The following CLMN variants were observed in gnomAD, a reference collection of about 807,000 sequenced individuals.
CLMN encodes calmin (calponin-like, transmembrane).
A neutral mutation model predicts 92.7 loss-of-function variants in CLMN; 57 were observed. That is an observed-to-expected ratio of 0.61 (90% confidence interval 0.50 to 0.77). CLMN has a LOEUF of 0.77. Among genes scored for constraint, CLMN ranks in the 30% least tolerant of loss-of-function variants. CLMN has a pLI of 0.00. For missense variants in CLMN, 1,158 were observed against 1,237.5 expected (o/e 0.94, Z 0.96); for synonymous variants, 466 against 470.6 (o/e 0.99, Z 0.13).
chr14:95,204,466 G>C lies in CLMN; in HGVS notation c.886-3C>G. Reference sequence around the variant, plus strand: ...TTATCTGAATCGAAAATATCTTCCTGCAAAAAAAAACAAAAACAAACAAAC... The same window carrying C: ...TTATCTGAATCGAAAATATCTTCCTCCAAAAAAAAACAAAAACAAACAAAC... On this transcript the variant is annotated splice_region_variant and splice_polypyrimidine_tract_variant and intron_variant, in intron 8 of 12. Transcript: ENST00000298912. 1.4e-6 allele frequency: 2 copies of C among 1,444,216 alleles called. No homozygotes were observed. Among genetic ancestry groups the C allele is most frequent in the Non-Finnish European group, 1.8e-6 (2 of 1,100,936 alleles). 89.5% of individuals were successfully genotyped at this position (1,444,216 alleles called of 1,614,324 possible).
intron 1 of CLMN, among the ~76,000 whole-genome samples, chr14:95,288,713 T>C (rs1900439488): frequency 1.3e-5 from 2 of 152,184 alleles, no homozygotes; most frequent in Non-Finnish European, 2.9e-5. Context: ...CCCCTGTGTA[T>C]AAGCCAGAAG....
intron 1 of CLMN, among the ~76,000 whole-genome samples, chr14:95,258,257 T>C (rs1225736024): frequency 2.0e-5 from 3 of 150,750 alleles, no homozygotes; most frequent in African/African-American, 4.9e-5. Context: ...TGTATATGTA[T>C]GTATCTGTGA....
At chr14:95,299,703 C>A (rs775411943) in intron 1 of CLMN, among the ~76,000 whole-genome samples, 31 of 152,166 alleles carry the variant, frequency 2.0e-4, no homozygotes, top group Non-Finnish European at 3.7e-4. Flanking sequence ...GTGATCATCA[C>A]CCTATGCCAC....
At chr14:95,268,993 A>G (rs968330085) in intron 1 of CLMN, among the ~76,000 whole-genome samples, 1 of 151,490 alleles carries the variant, frequency 6.6e-6, no homozygotes, top group Non-Finnish European at 1.5e-5. Context: ...TAGCAGAGAC[A>G]GGGTTTCACC....
At chr14:95,231,193 CTTT>C (rs59211402) in intron 1 of CLMN, among the ~76,000 whole-genome samples, 5 of 137,334 alleles carry the variant, frequency 3.6e-5, no homozygotes, top group Admixed American at 7.4e-5. Flanking sequence ...AATCCTCTAA[CTTT>C]TTTTTTTTTT....
intron 1 of CLMN, among the ~76,000 whole-genome samples, chr14:95,242,169 G>A (rs1898267821): frequency 6.6e-6 from 1 of 151,726 alleles, no homozygotes; most frequent in African/African-American, 2.4e-5. Flanking sequence ...AAAAAATTGA[G>A]GTGCCTGGGT....
At chr14:95,245,239 T>C (rs866123959) in intron 1 of CLMN, among the ~76,000 whole-genome samples, 7 of 21,564 alleles carry the variant, frequency 3.2e-4, no homozygotes, top group African/African-American at 1.9e-3. Flanking sequence ...ATATATATAT[T>C]ATATATATAT....
At chr14:95,295,797 G>C in intron 1 of CLMN, among the ~76,000 whole-genome samples, 1 of 152,208 alleles carries the variant, frequency 6.6e-6, no homozygotes, top group East Asian at 1.9e-4. Context: ...CTTTGCACTT[G>C]CTGTTTTCTC....
chr14:95,222,308 A>G (rs1897569779), intron 3 of CLMN: 1 of 239,476 alleles, frequency 4.2e-6, no homozygotes, highest in Non-Finnish European at 8.5e-6. Flanking sequence ...GAAAGAGAGA[A>G]AGAGAGAGAA....
intron 1 of CLMN, among the ~76,000 whole-genome samples, chr14:95,258,446 T>C (rs962001207): frequency 6.7e-6 from 1 of 148,676 alleles, no homozygotes; most frequent in Non-Finnish European, 1.5e-5. Flanking sequence ...TGTGGTGTGG[T>C]TGTGTGTGGA....
At chr14:95,272,317 G>C (rs1300126440) in intron 1 of CLMN, among the ~76,000 whole-genome samples, 2 of 151,094 alleles carry the variant, frequency 1.3e-5, no homozygotes, top group Admixed American at 6.6e-5. Flanking sequence ...AGGAAGAGGA[G>C]GAGGAGGGTA....
intron 1 of CLMN, among the ~76,000 whole-genome samples, chr14:95,297,802 A>G (rs1900869212): frequency 7.7e-6 from 1 of 130,636 alleles, no homozygotes; most frequent in African/African-American, 2.9e-5. Context: ...GCTATTATGA[A>G]TATGGCAGGC....
At chr14:95,212,016 T>G (rs928714845) in intron 6 of CLMN, among the ~76,000 whole-genome samples, 6 of 152,314 alleles carry the variant, frequency 3.9e-5, no homozygotes, top group East Asian at 1.9e-4. Context: ...ACAATGAACT[T>G]TTTTTTGGTT....
At chr14:95,245,256 T>TA (rs1898493351) in intron 1 of CLMN, among the ~76,000 whole-genome samples, 6 of 37,114 alleles carry the variant, frequency 1.6e-4, no homozygotes, top group African/African-American at 9.5e-4. Context: ...ATATATATAA[T>TA]ATATATATAT....
At position 95,202,801 on chromosome 14, in the gene CLMN, G is replaced by A. The variant is rs1441092745; in HGVS notation, c.2511+37C>T. On this transcript the variant is annotated intron_variant, in intron 9 of 12. Coordinates refer to ENST00000298912, the MANE Select transcript of CLMN (RefSeq NM_024734.4). The stretch of plus-strand genomic sequence containing the variant: ...GACAAAGAACTATCAAGTTTCCCAG[G>A]CAGGACCCAGGGTTCCCAAATCCCA... 5.3e-6 allele frequency: 8 copies of A among 1,500,640 alleles called. No homozygotes were observed. In the Admixed American group the frequency reaches 1.2e-4, roughly 22 times the overall value. 93.0% of individuals were successfully genotyped at this position (1,500,640 alleles called of 1,614,324 possible).
intron 1 of CLMN, among the ~76,000 whole-genome samples, chr14:95,245,244 A>ATATATATATATAT (rs1566891285): frequency 2.6e-5 from 1 of 37,958 alleles, no homozygotes; most frequent in African/African-American, 1.6e-4. Context: ...TATATTATAT[A>ATATATATATATAT]TATATATATA....
At chr14:95,229,505 T>G (rs1428779182) in intron 2 of CLMN, among the ~76,000 whole-genome samples, 1 of 152,124 alleles carries the variant, frequency 6.6e-6, no homozygotes, top group Non-Finnish European at 1.5e-5. Context: ...CCACATTATG[T>G]CTCCGTGCCT....
rs1423330678 is a variant in CLMN, at chr14:95,294,909, C to T, written c.82+24802G>A. Among the ~76,000 whole-genome samples, 1 of 152,244 alleles carries T rather than the reference C, an allele frequency of 6.6e-6. No individual in the cohort carries two copies. Among genetic ancestry groups the T allele is most frequent in the Non-Finnish European group, 1.5e-5 (1 of 68,040 alleles). On this transcript the variant is annotated intron_variant, in intron 1 of 12. Coordinates refer to ENST00000298912, the MANE Select transcript of CLMN (RefSeq NM_024734.4). The surrounding 1 kb of genome is among the most constrained non-coding windows in gnomAD (Gnocchi z 4.2). ...GGGCTGCATTCTTCCACCTGGGCCCCCAGCTCCAGCCAGAGTGCCCCTCAC... is the reference window on the plus strand; with the variant it reads ...GGGCTGCATTCTTCCACCTGGGCCCTCAGCTCCAGCCAGAGTGCCCCTCAC...
intron 1 of CLMN, among the ~76,000 whole-genome samples, chr14:95,245,794 T>G (rs2140667870): frequency 1.1e-5 from 1 of 93,686 alleles, no homozygotes; most frequent in Non-Finnish European, 2.0e-5. Context: ...GTGGTTGGAT[T>G]ATTGGATGGA....
Sources: allele counts gnomAD v4.1 joint callset (sites outside exome capture counted in the v4.1 genomes callset), GRCh38; gene constraint gnomAD v4.1.1; non-coding constraint Gnocchi (gnomAD v3.1); transcripts MANE v1.5; gene names NCBI Gene and HGNC (gene_info 2026-07-23, HGNC 2026-07-21).